LARP1: variants seen among roughly 807,000 people sequenced by gnomAD.
LARP1 encodes the protein La ribonucleoprotein 1, translational regulator, also known as la-related protein 1.
Under a neutral mutation model 122.7 loss-of-function variants are expected in LARP1, and 36 were observed. That is an observed-to-expected ratio of 0.29 (90% CI 0.22 to 0.39). The LOEUF is 0.39. Among genes scored for constraint, LARP1 ranks in the 10% least tolerant of loss-of-function variants. The pLI, the probability that LARP1 is intolerant of heterozygous loss-of-function variation, is 1.00. For synonymous variants in LARP1, 539 were observed against 528.7 expected (o/e 1.02, Z -0.27); for missense variants, 1,040 against 1,403.6 (o/e 0.74, Z 4.14).
At position 154,792,692 on chromosome 5, in the gene LARP1, G is replaced by A; in HGVS notation, c.635G>A (p.Gly212Glu). The change falls in exon 4 of 19, where the codon GGA becomes GAA. Residue 212 changes from glycine (G) to glutamate (E), a missense_variant. Physicochemically the swap from Gly to Glu is moderately conservative, Grantham distance 98. This residue lies in a region of LARP1 where 257 missense variants were observed against 273.3 expected (regional missense o/e 0.94). Transcript: ENST00000518297. ...AAGGACATGAAGGAACAGGAGAAAGGAGAAGGGAGTGATAGTAAGGAGAGT... is the reference window on the plus strand; with the variant it reads ...AAGGACATGAAGGAACAGGAGAAAGAAGAAGGGAGTGATAGTAAGGAGAGT... ...PKKDMKEQEK[G>E]EGSDSKESPK... The A allele has an allele frequency of 1.2e-6, 2 of 1,614,188 alleles. No individual in the cohort carries two copies. Among genetic ancestry groups the A allele is most frequent in the South Asian group, 2.2e-5 (2 of 91,080 alleles).
intron 1 of LARP1, among the ~76,000 whole-genome samples, chr5:154,784,383 G>C (rs969828039): frequency 6.6e-6 from 1 of 152,146 alleles, no homozygotes; most frequent in African/African-American, 2.4e-5. Flanking sequence ...TCGACCTAAC[G>C]GCCAAGTGTA....
Position 154,755,440 on chromosome 5 carries a change from G to A in LARP1, c.-318G>A. On this transcript the variant is annotated 5_prime_UTR_variant, in exon 1 of 19. Coordinates refer to ENST00000518297, the MANE Select transcript of LARP1 (RefSeq NM_033551.3). ...CCGCCCCGGGGGCGGGGGGGAGGGA[G>A]GGACGGGACTAGAAGCCTGCCGGGC... is the stretch of plus-strand genomic sequence containing the variant. 1 of 571,886 alleles carries A rather than the reference G, an allele frequency of 1.7e-6. No individual in the cohort carries two copies. Among genetic ancestry groups the A allele is most frequent in the Non-Finnish European group, 2.2e-6 (1 of 452,154 alleles). 35.4% of individuals were successfully genotyped at this position (571,886 alleles called of 1,614,324 possible).
Position 154,730,863 on chromosome 5 carries a change from CTTTTTTTTTTTTT to C in LARP1, c.205+17743_205+17755del, listed in dbSNP as rs60848864. 2.3e-5 allele frequency among the ~76,000 whole-genome samples: 3 copies of C among 127,786 alleles called. No homozygotes were observed. The Admixed American group carries it at 2.4e-4, about 10-fold the overall frequency. 83.8% of individuals were successfully genotyped at this position (127,786 alleles called of 152,430 possible). A position where few individuals can be genotyped will look rare whatever the true frequency, so the allele number is the denominator to read the frequency against. ...CCCCTACGGGTAAGCACCATTCTGACTTTTTTTTTTTTTTTTTTTTTTGAGACAGAGTCGCGTT... is the reference window on the plus strand; with the variant it reads ...CCCCTACGGGTAAGCACCATTCTGACTTTTTTTTTGAGACAGAGTCGCGTT... On this transcript the variant is annotated intron_variant, in intron 1 of 18. Transcript: ENST00000336314.
intron 1 of LARP1, among the ~76,000 whole-genome samples, chr5:154,782,730 C>T (rs1042275424): frequency 1.3e-5 from 2 of 152,206 alleles, no homozygotes; most frequent in Non-Finnish European, 2.9e-5. Flanking sequence ...GCCCTTCCAG[C>T]CCCTCCTGCA....
intron 1 of LARP1, among the ~76,000 whole-genome samples, chr5:154,724,666 ATTT>A (rs199755292): frequency 1.4e-5 from 2 of 144,622 alleles, no homozygotes; most frequent in Admixed American, 6.9e-5. Context: ...TTCACTGGGA[ATTT>A]TTTTTTTTTT....
chr5:154,791,290 T>C (rs1757328996), intron 3 of LARP1, among the ~76,000 whole-genome samples: 1 of 151,996 alleles, frequency 6.6e-6, no homozygotes, highest in African/African-American at 2.4e-5. Flanking sequence ...CTCAGCTTAC[T>C]GCAACCTCCA....
chr5:154,795,250 A>G lies in LARP1; in HGVS notation c.1308A>G (p.Leu436=), dbSNP rs898666287. The change falls in exon 8 of 19, where the codon CTA becomes CTG. Residue 436 remains leucine, a synonymous_variant. Coordinates refer to ENST00000518297, the MANE Select transcript of LARP1 (RefSeq NM_033551.3). Reference sequence around the variant, plus strand: ...GGAAAATGGATGCTGATGGTTTCCTACCCATCACCCTTATTGCTTCCTTCC... The same window carrying G: ...GGAAAATGGATGCTGATGGTTTCCTGCCCATCACCCTTATTGCTTCCTTCC... ...LRRKMDADGF[L]PITLIASFHR... 1.9e-6 allele frequency: 3 copies of G among 1,613,782 alleles called. No individual in the cohort carries two copies. The highest frequency in any genetic ancestry group is 1.7e-6 in the Non-Finnish European group (2 of 1,179,812).
At chr5:154,769,048 A>G (rs1002058219) in intron 1 of LARP1, among the ~76,000 whole-genome samples, 1 of 152,212 alleles carries the variant, frequency 6.6e-6, no homozygotes, top group Admixed American at 6.5e-5. Flanking sequence ...CACACTGGCC[A>G]GGCTGGTCTT....
intron 1 of LARP1, among the ~76,000 whole-genome samples, chr5:154,714,509 G>A (rs879375412): frequency 6.6e-6 from 1 of 152,214 alleles, no homozygotes; most frequent in Non-Finnish European, 1.5e-5. Flanking sequence ...GAAGCAGCAG[G>A]ATAATACAAT....
At chr5:154,717,793 G>A (rs893189247) in intron 1 of LARP1, among the ~76,000 whole-genome samples, 3 of 152,164 alleles carry the variant, frequency 2.0e-5, no homozygotes, top group Non-Finnish European at 2.9e-5. Flanking sequence ...GCATCTGGGT[G>A]TCCTATTCTG....
rs1309106200 is a variant in LARP1 at position 154,794,167 on chromosome 5, C to T, written c.1137C>T (p.Tyr379=). The T allele has an allele frequency of 1.2e-6, 2 of 1,614,194 alleles. No individual in the cohort carries two copies. The highest frequency in any genetic ancestry group is 1.1e-5 in the South Asian group (1 of 91,084). The change falls in exon 7 of 19, where the codon TAC becomes TAT. Residue 379 remains tyrosine (Y), a synonymous_variant. Coordinates refer to ENST00000518297, the MANE Select transcript of LARP1 (RefSeq NM_033551.3). ...DGVEGPRTPK[Y]MNNITYYFDN... is the part of the protein sequence containing the mutation. ...TGGAGGGGCCTCGTACGCCCAAGTACATGAACAACATCACCTACTACTTTG... is the reference window on the plus strand; with the variant it reads ...TGGAGGGGCCTCGTACGCCCAAGTATATGAACAACATCACCTACTACTTTG...
At chr5:154,708,844 C>G (rs1755076914), upstream of LARP1, among the ~76,000 whole-genome samples, 2 of 152,168 alleles carry the variant, frequency 1.3e-5, no homozygotes, top group Admixed American at 1.3e-4. Flanking sequence ...CTTCCGACCT[C>G]TGGAGATCCA....
chr5:154,756,305 G>C, intron 1 of LARP1, 112 bp downstream of exon 1: 1 of 947,324 alleles, frequency 1.1e-6, no homozygotes, highest in Non-Finnish European at 1.3e-6. Context: ...ATGGTGACTC[G>C]GGACTTTTTA....
chr5:154,799,979 C>G lies in LARP1; in HGVS notation c.1653C>G (p.Asp551Glu), dbSNP rs1205324765. The G allele has an allele frequency of 6.2e-7, 1 of 1,614,214 alleles. No homozygotes were observed. The highest frequency in any genetic ancestry group is 8.5e-7 in the Non-Finnish European group (1 of 1,180,038). ...LPKGLSASLP[D>E]LDSENWIEVK... ...AGGGCCTGTCTGCCAGCCTGCCTGACCTGGATTCTGAGAACTGGATTGAAG... is the reference window on the plus strand; with the variant it reads ...AGGGCCTGTCTGCCAGCCTGCCTGAGCTGGATTCTGAGAACTGGATTGAAG... Residue 551 changes from aspartate to glutamate, a missense_variant, in exon 10 of 19, where the codon GAC (aspartate) becomes GAG (glutamate). Asp to Glu is a conservative substitution (Grantham distance 45, BLOSUM62 2). Around this residue, in one of 8 missense-constraint regions of LARP1, gnomAD observed 362 missense variants for 533.1 expected, o/e 0.68. Coordinates refer to ENST00000518297, the MANE Select transcript of LARP1 (RefSeq NM_033551.3).
chr5:154,810,145 C>G (rs1759140556), intron 16 of LARP1, among the ~76,000 whole-genome samples: 1 of 152,012 alleles, frequency 6.6e-6, no homozygotes, highest in African/African-American at 2.4e-5. Context: ...CTGTTAAGAT[C>G]TAAATCTGGA....
At chr5:154,707,857 A>G (rs1428035597), upstream of LARP1, among the ~76,000 whole-genome samples, 1 of 152,222 alleles carries the variant, frequency 6.6e-6, no homozygotes, top group Non-Finnish European at 1.5e-5. Context: ...TCACAAGGAT[A>G]TGCTGTTGGA....
chr5:154,740,018 G>A (rs1757135885), intron 1 of LARP1, among the ~76,000 whole-genome samples: 1 of 149,078 alleles, frequency 6.7e-6, no homozygotes, highest in Non-Finnish European at 1.5e-5. Flanking sequence ...AGGCAACATA[G>A]TGAGACCTTG....
intron 1 of LARP1, among the ~76,000 whole-genome samples, chr5:154,780,345 G>A (rs1218199421): frequency 1.3e-5 from 2 of 152,202 alleles, no homozygotes; most frequent in Non-Finnish European, 2.9e-5. Context: ...CCTCCCCTGT[G>A]GTCATGTGTT....
chr5:154,716,524 C>T (rs527436943), intron 1 of LARP1, among the ~76,000 whole-genome samples: 8 of 152,206 alleles, frequency 5.3e-5, no homozygotes, highest in Non-Finnish European at 1.0e-4. Flanking sequence ...TCTCGGCTCA[C>T]TGCAACCTCC....
Sources: gnomAD v4.1 joint callset for allele counts (sites outside exome capture counted in the v4.1 genomes callset) on GRCh38, gnomAD v4.1.1 for gene constraint, gnomAD v4.1.1 regional missense constraint, MANE v1.5 for transcripts, NCBI Gene and HGNC (gene_info 2026-07-23, HGNC 2026-07-21) for gene names.